The following KNL1 variants were observed in gnomAD, a reference collection of about 807,000 sequenced individuals.
KNL1 encodes outer kinetochore KNL1 complex subunit KNL1.
A neutral mutation model predicts 201.3 loss-of-function variants in KNL1; 66 were observed. The ratio of observed to expected loss-of-function variants is 0.33; its 90% confidence interval spans 0.27 to 0.40. The LOEUF (loss-of-function observed/expected upper bound fraction) is 0.40, where lower values mean the gene tolerates loss of function less well. KNL1 is among the 10% of genes least tolerant of loss of function. The pLI, the probability that KNL1 is intolerant of heterozygous loss-of-function variation, is 1.00. For missense variants in KNL1, 2,815 were observed against 2,690.5 expected (o/e 1.05, Z -1.02); for synonymous variants, 895 against 899.2 (o/e 1.00, Z 0.08).
intron 13 of KNL1, among the ~76,000 whole-genome samples, chr15:40,633,970 G>A (rs527862593): frequency 1.3e-5 from 2 of 152,234 alleles, no homozygotes; most frequent in Non-Finnish European, 2.9e-5. Context: ...CTCCATGGGT[G>A]TTATTATTTC....
chr15:40,640,579 C>G (rs549667210), intron 13 of KNL1, among the ~76,000 whole-genome samples: 2 of 151,664 alleles, frequency 1.3e-5, no homozygotes, highest in Admixed American at 6.6e-5. Flanking sequence ...TACTAGGAAA[C>G]TGGCTTAAAA....
chr15:40,636,012 A>G lies in KNL1; in HGVS notation c.5683-4900A>G, dbSNP rs144799227. On this transcript the variant is annotated intron_variant, in intron 13 of 25. Transcript: ENST00000399668. ...ACCACCATGCCTGGCTAATTTTTGT[A>G]TTTTTAGTAGACATGGGATTTCGCC... is the stretch of plus-strand genomic sequence containing the variant. Among the ~76,000 whole-genome samples the G allele has an allele frequency of 6.6e-3, 1,000 of 151,906 alleles. 8 individuals are homozygous for G. The highest frequency in any genetic ancestry group is 0.023 in the African/African-American group (957 of 41,426).
chr15:40,650,648 G>C, intron 19 of KNL1, 65 bp downstream of exon 19: 1 of 1,399,932 alleles, frequency 7.1e-7, no homozygotes, highest in Non-Finnish European at 9.5e-7. Context: ...ATGACTTCCT[G>C]CCTCCAGAGA....
At chr15:40,629,471 C>G in intron 13 of KNL1, 100 bp downstream of exon 13, 2 of 190,770 alleles carry the variant, frequency 1.0e-5, no homozygotes, top group South Asian at 8.3e-5. Flanking sequence ...AGAGAGTTTT[C>G]TTTTTTTTTT....
chr15:40,622,227 G>T lies in KNL1; in HGVS notation c.1963G>T (p.Asp655Tyr). ...GAAGATTTTGCCCTACCTTGATAAA[G>T]ATTCTCCTCAGTCAGCTGATTGTAA... The part of the protein sequence containing the change: ...VLKILPYLDK[D>Y]SPQSADCNQE... Residue 655 changes from aspartate (D) to tyrosine (Y), a missense_variant, in exon 10 of 26, where the codon GAT becomes TAT. By Grantham distance (160) the Asp-to-Tyr change is radical (BLOSUM62 -3). Transcript: ENST00000399668. 6.2e-7 allele frequency: 1 copy of T among 1,614,040 alleles called. No homozygotes were observed.
In KNL1 at chr15:40,623,559, G is replaced by A. The variant is rs1274862652; in HGVS notation, c.3295G>A (p.Glu1099Lys). The change falls in exon 10 of 26, where the codon GAA becomes AAA. Residue 1099 changes from glutamate to lysine, a missense_variant. By Grantham distance (56) the Glu-to-Lys change is moderately conservative. Around this residue, in one of 3 missense-constraint regions of KNL1, gnomAD observed 2,464 missense variants for 2,291.7 expected, o/e 1.08. Transcript: ENST00000399668. The stretch of plus-strand genomic sequence containing the variant: ...GAGTTGTATGGTGGAAATAGATAAC[G>A]AAAGTGCCCTGGAGGATAAAGAGGA... ...TQSCMVEIDN[E>K]SALEDKEDFH... is the part of the protein sequence containing the mutation. The A allele has an allele frequency of 6.8e-6, 11 of 1,613,594 alleles. No homozygotes were observed. The East Asian group carries it at 1.1e-4, about 16-fold the overall frequency.
chr15:40,638,578 G>A (rs915247581), intron 13 of KNL1, among the ~76,000 whole-genome samples: 1 of 151,502 alleles, frequency 6.6e-6, no homozygotes, highest in South Asian at 2.1e-4. Context: ...TGCAACCTCC[G>A]CCTCCCGGGT....
intron 25 of KNL1, among the ~76,000 whole-genome samples, 177 bp downstream of exon 25, chr15:40,659,638 G>A (rs367909875): frequency 2.0e-5 from 3 of 150,714 alleles, no homozygotes; most frequent in Admixed American, 6.6e-5. Flanking sequence ...GACTACAGGC[G>A]CCTGCCACCG....
chr15:40,660,621 C>T (rs1239287520), intron 25 of KNL1, among the ~76,000 whole-genome samples: 1 of 140,038 alleles, frequency 7.1e-6, no homozygotes, highest in African/African-American at 2.7e-5. Context: ...GCCGAGATTG[C>T]ACCACTGCAC....
chr15:40,599,802 T>C (rs1891733058), intron 1 of KNL1, among the ~76,000 whole-genome samples: 1 of 150,174 alleles, frequency 6.7e-6, no homozygotes, highest in Non-Finnish European at 1.5e-5. Context: ...CCTTTTTTTT[T>C]TTTTTTTTTT....
At chr15:40,651,682 A>G in intron 20 of KNL1, 110 bp downstream of exon 20, 1 of 701,742 alleles carries the variant, frequency 1.4e-6, no homozygotes, top group Non-Finnish European at 2.4e-6. Flanking sequence ...TTTAACCTAT[A>G]CAGTGCTGTT....
chr15:40,597,018 A>G (rs1454122027), intron 1 of KNL1, among the ~76,000 whole-genome samples: 1 of 151,914 alleles, frequency 6.6e-6, no homozygotes, highest in Non-Finnish European at 1.5e-5. Context: ...AAAAAAAAAA[A>G]AAAGGTACTT....
At chr15:40,641,389 A>G (rs986964475) in intron 14 of KNL1, among the ~76,000 whole-genome samples, 6 of 152,234 alleles carry the variant, frequency 3.9e-5, no homozygotes, top group African/African-American at 1.4e-4. Context: ...TAATTTTTAG[A>G]TTATGATATC....
At position 40,645,079 on chromosome 15, in the gene KNL1, G is replaced by T; in HGVS notation, c.5881G>T (p.Asp1961Tyr). 1 of 1,603,090 alleles carries T rather than the reference G, an allele frequency of 6.2e-7. No individual in the cohort carries two copies. Among genetic ancestry groups the T allele is most frequent in the South Asian group, 1.1e-5 (1 of 90,618 alleles). Residue 1961 changes from aspartate to tyrosine, a missense_variant, in exon 15 of 26, where the codon GAC becomes TAC. Physicochemically the swap from Asp to Tyr is radical, Grantham distance 160 (BLOSUM62 -3). This residue lies in a region of KNL1 where 2,464 missense variants were observed against 2,291.7 expected (regional missense o/e 1.08). Transcript: ENST00000399668. ...NLWEKMRHCS[D>Y]KELKAFGIYL... The stretch of plus-strand genomic sequence containing the variant: ...GTGGGAAAAAATGAGACACTGCTCT[G>T]ACAAAGAGGTACTTTTGTCTCATTT...
chr15:40,626,560 A>T (rs987375776), intron 10 of KNL1, among the ~76,000 whole-genome samples: 1 of 151,380 alleles, frequency 6.6e-6, no homozygotes, highest in African/African-American at 2.4e-5. Context: ...ATCTGCTGTC[A>T]TGGAGTTTAC....
At position 40,624,879 on chromosome 15, in the gene KNL1, G is replaced by A. The variant is rs199770734; in HGVS notation, c.4615G>A (p.Ala1539Thr). Residue 1539 changes from alanine (A) to threonine (T), a missense_variant, in exon 10 of 26, where the codon GCT (alanine) becomes ACT (threonine). Ala to Thr is a moderately conservative substitution (Grantham distance 58). Transcript: ENST00000399668. Reference sequence around the variant, plus strand: ...GCAAGTCATTCAAACTCATGTCAATGCTGGAGAAGCACCAGATCCTGTAAT... The same window carrying A: ...GCAAGTCATTCAAACTCATGTCAATACTGGAGAAGCACCAGATCCTGTAAT... ...TKQVIQTHVN[A>T]GEAPDPVITS... The A allele has an allele frequency of 1.2e-4, 186 of 1,612,558 alleles. No individual in the cohort carries two copies. The African/African-American group carries it at 2.3e-3, about 20-fold the overall frequency.
At chr15:40,602,480 C>CTTTTTTT (rs34192317) in intron 1 of KNL1, among the ~76,000 whole-genome samples, 3 of 79,132 alleles carry the variant, frequency 3.8e-5, no homozygotes, top group African/African-American at 5.0e-5. Context: ...TTTTTCCTTC[C>CTTTTTTT]TTTTTTTTTT....
Position 40,662,200 on chromosome 15 carries a change from A to G in KNL1, c.*12A>G, listed in dbSNP as rs1457475073. On this transcript the variant is annotated 3_prime_UTR_variant, in exon 26 of 26. Coordinates refer to ENST00000399668, the MANE Select transcript of KNL1 (RefSeq NM_144508.5). ...ATTTCTACCACTAGACCCTTGGACCACCATTGGAACAACCAAGCAGAATGT... is the reference window on the plus strand; with the variant it reads ...ATTTCTACCACTAGACCCTTGGACCGCCATTGGAACAACCAAGCAGAATGT... The G allele has an allele frequency of 1.4e-6, 2 of 1,398,892 alleles. No homozygotes were observed. Among genetic ancestry groups the G allele is most frequent in the African/African-American group, 1.4e-5 (1 of 70,762 alleles). 86.7% of individuals were successfully genotyped at this position (1,398,892 alleles called of 1,614,324 possible). A position where few individuals can be genotyped will look rare whatever the true frequency, so the allele number is the denominator to read the frequency against.
chr15:40,603,741 A>G (rs1308881251), intron 2 of KNL1, among the ~76,000 whole-genome samples: 1 of 152,276 alleles, frequency 6.6e-6, no homozygotes, highest in Non-Finnish European at 1.5e-5. Context: ...AGCGTAAAGC[A>G]GCAGCACTGG....
Sources: allele counts gnomAD v4.1 joint callset (sites outside exome capture counted in the v4.1 genomes callset), GRCh38; gene constraint gnomAD v4.1.1; regional missense constraint gnomAD v4.1.1; transcripts MANE v1.5; gene names NCBI Gene and HGNC (gene_info 2026-07-23, HGNC 2026-07-21).